The following IL1RAPL2 variants were observed in gnomAD, a reference collection of about 807,000 sequenced individuals.
IL1RAPL2 encodes the protein interleukin 1 receptor accessory protein like 2, also known as X-linked interleukin-1 receptor accessory protein-like 2.
In IL1RAPL2, 3 loss-of-function variants were observed where a neutral mutation model predicts 44.1. The ratio of observed to expected loss-of-function variants is 0.07; its 90% CI spans 0.03 to 0.18. The LOEUF is 0.18. Ranked by LOEUF, IL1RAPL2 falls within the 10% of genes least tolerant of loss-of-function variation. IL1RAPL2 has a pLI of 1.00. For synonymous variants in IL1RAPL2, 181 were observed against 178.8 expected (o/e 1.01, Z -0.10); for missense variants, 391 against 496.4 (o/e 0.79, Z 2.02).
At chrX:104,657,089 C>G (rs1831309795) in intron 1 of IL1RAPL2, among the ~76,000 whole-genome samples, 1 of 110,902 alleles carries the variant, frequency 9.0e-6, no homozygotes, top group East Asian at 2.8e-4. Context: ...TGAGATGGGT[C>G]TCCTGAATAC....
chrX:105,243,532 CAT>C, intron 4 of IL1RAPL2, among the ~76,000 whole-genome samples: 1 of 95,967 alleles, frequency 1.0e-5, no homozygotes, highest in East Asian at 3.2e-4. Flanking sequence ...ATGGAGATTT[CAT>C]ATATATATGT....
chrX:105,464,633 A>G (rs2036115618), intron 5 of IL1RAPL2, among the ~76,000 whole-genome samples: 1 of 111,981 alleles, frequency 8.9e-6, no homozygotes, highest in Non-Finnish European at 1.9e-5. Flanking sequence ...AAAATCCAAA[A>G]TTCCTTTCTG....
At chrX:105,366,689 G>A (rs2035297938) in intron 5 of IL1RAPL2, among the ~76,000 whole-genome samples, 1 of 111,404 alleles carries the variant, frequency 9.0e-6, no homozygotes, top group South Asian at 3.7e-4. Context: ...TTATGCCATT[G>A]TAGTCGGAAA....
At chrX:104,935,076 G>C (rs1924995405) in intron 2 of IL1RAPL2, among the ~76,000 whole-genome samples, 2 of 111,656 alleles carry the variant, frequency 1.8e-5, no homozygotes, top group Admixed American at 9.5e-5. Context: ...AGGGGACACT[G>C]TGCCTAATAA....
intron 2 of IL1RAPL2, among the ~76,000 whole-genome samples, chrX:104,711,552 G>A (rs1425973864): frequency 3.6e-5 from 4 of 110,307 alleles, no homozygotes; most frequent in African/African-American, 1.3e-4. Flanking sequence ...AGACAAATAT[G>A]GCAAAATGAG....
At chrX:105,407,501 A>C (rs1391393181) in intron 5 of IL1RAPL2, among the ~76,000 whole-genome samples, 1 of 111,756 alleles carries the variant, frequency 8.9e-6, no homozygotes, top group Non-Finnish European at 1.9e-5. Context: ...CTTTATGAAA[A>C]CTTGGAAAAG....
chrX:104,869,341 T>C (rs776792689), intron 2 of IL1RAPL2, among the ~76,000 whole-genome samples: 1 of 111,679 alleles, frequency 9.0e-6, no homozygotes, highest in South Asian at 3.7e-4. Flanking sequence ...TTACTTATCA[T>C]TTTTTGTAGT....
chrX:105,169,579 A>ACTGCAAC (rs1358982843), intron 2 of IL1RAPL2, among the ~76,000 whole-genome samples: 1 of 89,177 alleles, frequency 1.1e-5, no homozygotes, highest in Non-Finnish European at 2.1e-5. Flanking sequence ...GTCTTGGCTC[A>ACTGCAAC]CTGCAACCTC....
At position 104,914,156 on chromosome X, in the gene IL1RAPL2, G is replaced by T. The variant is rs771692267; in HGVS notation, c.82+255161G>T. 1.4e-3 allele frequency among the ~76,000 whole-genome samples: 161 copies of T among 111,539 alleles called. 1 individual carries two copies. The highest frequency in any genetic ancestry group is 4.8e-3 in the African/African-American group (149 of 30,759). ...CTGCTGAATCACTCTCTGAAGTTAG[G>T]GCCTGTGGATCTTTACTAAAAACAA... is the stretch of plus-strand genomic sequence containing the variant. On this transcript the variant is annotated intron_variant, in intron 2 of 10. Transcript: ENST00000372582.
chrX:104,683,712 G>T (rs1043237348), intron 2 of IL1RAPL2, among the ~76,000 whole-genome samples: 3 of 112,445 alleles, frequency 2.7e-5, no homozygotes, highest in African/African-American at 9.7e-5. Context: ...CTGATCAATT[G>T]CTGTAAGCAG....
At chrX:105,389,795 G>T (rs1167509804) in intron 5 of IL1RAPL2, among the ~76,000 whole-genome samples, 1 of 110,993 alleles carries the variant, frequency 9.0e-6, no homozygotes, top group Non-Finnish European at 1.9e-5. Flanking sequence ...AACAAAAGAG[G>T]TTATTGCTAA....
intron 2 of IL1RAPL2, among the ~76,000 whole-genome samples, chrX:104,676,916 T>A (rs1930775274): frequency 8.9e-6 from 1 of 112,192 alleles, no homozygotes; most frequent in Non-Finnish European, 1.9e-5. Context: ...TCTGCATTCT[T>A]CACGTAGTTC....
chrX:105,262,927 C>T (rs1488580715), intron 4 of IL1RAPL2, among the ~76,000 whole-genome samples: 1 of 109,943 alleles, frequency 9.1e-6, no homozygotes, highest in Non-Finnish European at 1.9e-5. Flanking sequence ...CTCTTGTTGC[C>T]CAGGCTGGAG....
intron 2 of IL1RAPL2, among the ~76,000 whole-genome samples, chrX:105,144,094 G>GGTGTGTGTGTGTGT (rs762069943): frequency 1.1e-4 from 9 of 79,564 alleles, no homozygotes; most frequent in Admixed American, 3.0e-4. Context: ...TCAACAGATG[G>GGTGTGTGTGTGTGT]GTGTGTGTGT....
chrX:104,911,199 A>G (rs1924227395), intron 2 of IL1RAPL2, among the ~76,000 whole-genome samples: 1 of 111,824 alleles, frequency 8.9e-6, no homozygotes, highest in African/African-American at 3.2e-5. Context: ...TGATTAGATG[A>G]TTTTATTGGA....
chrX:105,552,166 T>A (rs749064760), intron 6 of IL1RAPL2, among the ~76,000 whole-genome samples: 1 of 111,006 alleles, frequency 9.0e-6, no homozygotes, highest in African/African-American at 3.3e-5. Flanking sequence ...TACTTAACTC[T>A]CTTGTAATAT....
chrX:105,318,718 C>T (rs1291644524), intron 5 of IL1RAPL2, among the ~76,000 whole-genome samples: 1 of 111,161 alleles, frequency 9.0e-6, no homozygotes, highest in African/African-American at 3.3e-5. Flanking sequence ...AACCACAGGG[C>T]TTTCTCTCTG....
At chrX:105,717,329 A>T in intron 6 of IL1RAPL2, 38 bp from the exon 7 acceptor site, 1 of 1,126,681 alleles carries the variant, frequency 8.9e-7, no homozygotes, top group Non-Finnish European at 1.2e-6. Context: ...ACTGATAATC[A>T]GGAGTCATTT....
rs754997569 is a variant in IL1RAPL2, at chrX:104,875,948, C to T, written c.82+216953C>T. Among the ~76,000 whole-genome samples the T allele has an allele frequency of 5.4e-5, 6 of 110,197 alleles. No individual in the cohort carries two copies. In the South Asian group the frequency reaches 2.4e-3, roughly 43 times the overall value. On this transcript the variant is annotated intron_variant, in intron 2 of 10. Transcript: ENST00000372582. Reference sequence around the variant, plus strand: ...CTATTTTTTTTTTTCTCTAGAGAGGCCTGTAACAGTACATAACAGTTACTT... The same window carrying T: ...CTATTTTTTTTTTTCTCTAGAGAGGTCTGTAACAGTACATAACAGTTACTT...
Sources: allele counts gnomAD v4.1 joint callset (sites outside exome capture counted in the v4.1 genomes callset), GRCh38; gene constraint gnomAD v4.1.1; transcripts MANE v1.5; gene names NCBI Gene and HGNC (gene_info 2026-07-23, HGNC 2026-07-21).